PRKN: variants seen among roughly 807,000 people sequenced by gnomAD.
The protein encoded by PRKN is parkin RBR E3 ubiquitin protein ligase, also known as E3 ubiquitin-protein ligase parkin.
In PRKN, 56 loss-of-function variants were observed where a neutral mutation model predicts 59.5. The ratio of observed to expected loss-of-function variants is 0.94; its 90% CI spans 0.76 to 1.18. PRKN has a LOEUF of 1.18. Ranked by LOEUF, PRKN falls within the 50% of genes most tolerant of loss-of-function variation. PRKN has a pLI of 0.00. For synonymous variants in PRKN, 250 were observed against 222.1 expected (o/e 1.13, Z -1.12); for missense variants, 657 against 596.4 (o/e 1.10, Z -1.06).
chr6:162,100,599 AC>A (rs35844721), intron 4 of PRKN, among the ~76,000 whole-genome samples: 80,562 of 150,974 alleles, frequency 0.53, 22,250 homozygotes, highest in East Asian at 0.72. Flanking sequence ...CCACCACCAC[AC>A]CTAGATAACT....
chr6:161,459,478 G>A lies in PRKN; in HGVS notation c.1084-72601C>T, dbSNP rs907615056. Among the ~76,000 whole-genome samples the A allele has an allele frequency of 1.3e-5, 2 of 152,176 alleles. No individual in the cohort carries two copies. The highest frequency in any genetic ancestry group is 2.4e-5 in the African/African-American group (1 of 41,434). On this transcript the variant is annotated intron_variant, in intron 9 of 11. Transcript: ENST00000366898. The surrounding 1 kb of genome is among the most constrained non-coding windows in gnomAD (Gnocchi z 4.8). ...CCACCATTTCTTAGTGTGGAGTGCA[G>A]GGACCTGGTTCTGAGCAAAGTAGTG... is the stretch of plus-strand genomic sequence containing the variant.
chr6:161,398,225 G>C (rs541299203), intron 9 of PRKN, among the ~76,000 whole-genome samples: 11 of 152,218 alleles, frequency 7.2e-5, no homozygotes, highest in East Asian at 5.8e-4. Context: ...TGGAGTCTAG[G>C]GGGAGAGGAG....
chr6:162,536,559 G>T (rs1778729020), intron 1 of PRKN, among the ~76,000 whole-genome samples: 3 of 151,822 alleles, frequency 2.0e-5, no homozygotes, highest in Admixed American at 2.0e-4. Flanking sequence ...TGTCTGTAGG[G>T]ATTCCACTGT....
intron 3 of PRKN, among the ~76,000 whole-genome samples, chr6:162,206,954 G>A (rs529335148): frequency 1.3e-5 from 2 of 152,184 alleles, no homozygotes; most frequent in Non-Finnish European, 2.9e-5. Flanking sequence ...TTGAGTGAAG[G>A]TATTCATTAG....
At chr6:162,611,737 C>T (rs1339289196) in intron 1 of PRKN, among the ~76,000 whole-genome samples, 2 of 152,188 alleles carry the variant, frequency 1.3e-5, no homozygotes, top group Non-Finnish European at 2.9e-5. Flanking sequence ...GGACTGACCA[C>T]ATCTTAGTTT....
chr6:162,151,714 C>T (rs1485051553), intron 4 of PRKN, among the ~76,000 whole-genome samples: 4 of 152,154 alleles, frequency 2.6e-5, no homozygotes, highest in Non-Finnish European at 5.9e-5. Context: ...CACGTCTTGC[C>T]AGTCCCACTT....
intron 6 of PRKN, among the ~76,000 whole-genome samples, chr6:161,918,940 G>A (rs531489214): frequency 6.6e-6 from 1 of 152,222 alleles, no homozygotes; most frequent in African/African-American, 2.4e-5. Context: ...TTGCTGGTGG[G>A]AATGCAAAAT....
In PRKN at chr6:161,548,068, A is replaced by C. The variant is rs868850643; in HGVS notation, c.1083+786T>G. ...GCACAAAACTCCTCATGAAGTTGCA[A>C]TTTTAAAAGAAATGTTTCTCATCAA... On this transcript the variant is annotated intron_variant, in intron 9 of 11. Transcript: ENST00000366898. The surrounding 1 kb of genome is among the most constrained non-coding windows in gnomAD (Gnocchi z 4.2). 2.6e-5 allele frequency among the ~76,000 whole-genome samples: 4 copies of C among 152,340 alleles called. No individual in the cohort carries two copies. Among genetic ancestry groups the C allele is most frequent in the African/African-American group, 9.6e-5 (4 of 41,590 alleles).
Position 161,359,948 on chromosome 6 carries a change from T to C in PRKN, c.1285+140A>G, listed in dbSNP as rs1784910187. 5 of 738,800 alleles carry C rather than the reference T, an allele frequency of 6.8e-6. No individual in the cohort carries two copies. The highest frequency in any genetic ancestry group is 1.5e-5 in the South Asian group (1 of 67,830). The allele number at this position is 738,800 out of a possible 1,614,324, so 45.8% of individuals were successfully genotyped here. A position where few individuals can be genotyped will look rare whatever the true frequency, so the allele number is the denominator to read the frequency against. On this transcript the variant is annotated intron_variant, in intron 11 of 11. Coordinates refer to ENST00000366898, the MANE Select transcript of PRKN (RefSeq NM_004562.3). This position sits in a 1 kb window ranked among gnomAD's most constrained non-coding sequence, Gnocchi z 5.4. ...ACAAAAACAATAATAATAGTGATAA[T>C]GGGTAACATTAATCGAGGGGTTACC... is the stretch of plus-strand genomic sequence containing the variant.
intron 4 of PRKN, among the ~76,000 whole-genome samples, chr6:162,120,233 G>A (rs1443656892): frequency 6.6e-6 from 1 of 152,120 alleles, no homozygotes. Flanking sequence ...GGAACTCCTG[G>A]GCTCAAGCAA....
At chr6:161,648,185 T>C (rs984829152) in intron 7 of PRKN, among the ~76,000 whole-genome samples, 1 of 152,250 alleles carries the variant, frequency 6.6e-6, no homozygotes, top group Admixed American at 6.5e-5. Context: ...GAAGTAATTG[T>C]AGTTTTGCCT....
At chr6:161,536,393 G>C (rs11755180) in intron 9 of PRKN, among the ~76,000 whole-genome samples, 60,717 of 151,244 alleles carry the variant, frequency 0.4, 13,787 homozygotes, top group Middle Eastern at 0.56. Context: ...CGGAAAATGA[G>C]GTCATTTCCC....
intron 1 of PRKN, among the ~76,000 whole-genome samples, chr6:162,694,446 C>G (rs1050390706): frequency 6.6e-6 from 1 of 152,034 alleles, no homozygotes; most frequent in South Asian, 2.1e-4. Context: ...TTTATGGCAG[C>G]TCTTAGGAAA....
intron 6 of PRKN, among the ~76,000 whole-genome samples, chr6:161,812,125 ACCTACAAT>A (rs1791589620): frequency 6.6e-6 from 1 of 152,138 alleles, no homozygotes; most frequent in African/African-American, 2.4e-5. Context: ...GGTAGTTCAC[ACCTACAAT>A]CCCAGTGCTT....
chr6:162,614,333 G>T (rs752955831), intron 1 of PRKN, among the ~76,000 whole-genome samples: 1 of 152,086 alleles, frequency 6.6e-6, no homozygotes, highest in Non-Finnish European at 1.5e-5. Flanking sequence ...CCATAAACCT[G>T]TAAGTGCAAA....
intron 3 of PRKN, among the ~76,000 whole-genome samples, chr6:162,210,452 TA>T (rs1785157730): frequency 6.6e-6 from 1 of 152,202 alleles, no homozygotes; most frequent in African/African-American, 2.4e-5. Context: ...TGTAGGCATT[TA>T]CCCCTCCTAC....
At chr6:162,417,525 A>T (rs1340593561) in intron 2 of PRKN, among the ~76,000 whole-genome samples, 1 of 152,186 alleles carries the variant, frequency 6.6e-6, no homozygotes, top group African/African-American at 2.4e-5. Flanking sequence ...GAGTAACTTA[A>T]ATGTCATTTT....
chr6:162,084,497 T>G (rs1779176561), intron 4 of PRKN, among the ~76,000 whole-genome samples: 1 of 152,134 alleles, frequency 6.6e-6, no homozygotes, highest in South Asian at 2.1e-4. Flanking sequence ...AGTTTTGGTA[T>G]CATTTAGTAT....
intron 3 of PRKN, among the ~76,000 whole-genome samples, chr6:162,261,280 T>G (rs1779876017): frequency 6.6e-6 from 1 of 152,164 alleles, no homozygotes; most frequent in Admixed American, 6.5e-5. Context: ...CTACTCTGTT[T>G]TTAGAGCTTT....
Sources: allele counts gnomAD v4.1 joint callset (sites outside exome capture counted in the v4.1 genomes callset), GRCh38; gene constraint gnomAD v4.1.1; non-coding constraint Gnocchi (gnomAD v3.1); transcripts MANE v1.5; gene names NCBI Gene and HGNC (gene_info 2026-07-23, HGNC 2026-07-21).